Variants in RNF166 observed in about 807,000 individuals in gnomAD.
RNF166 encodes ring finger protein 166.
Under a neutral mutation model 29.4 loss-of-function variants are expected in RNF166, and 19 were observed. The ratio of observed to expected loss-of-function variants is 0.65; its 90% CI spans 0.45 to 0.95. The LOEUF (loss-of-function observed/expected upper bound fraction) is 0.95, where lower values mean the gene tolerates loss of function less well. Ranked by LOEUF, RNF166 falls within the 40% of genes least tolerant of loss-of-function variation. The pLI is 0.00. For missense variants in RNF166, 347 were observed against 322.1 expected (o/e 1.08, Z -0.59); for synonymous variants, 171 against 134.5 (o/e 1.27, Z -1.88).
intron 2 of RNF166, 54 bp from the exon 3 acceptor site, chr16:88,699,786 C>T (rs1033698294): frequency 1.5e-6 from 2 of 1,370,030 alleles, no homozygotes; most frequent in East Asian, 4.8e-5. Flanking sequence ...GAAGGGCCGT[C>T]CTGGGGAGGC....
Position 88,706,280 on chromosome 16 carries a change from G to A in RNF166, c.46C>T (p.Pro16Ser), listed in dbSNP as rs868206439. The A allele has an allele frequency of 7.0e-6, 9 of 1,293,946 alleles. No homozygotes were observed. The African/African-American group carries it at 1.3e-4, about 18-fold the overall frequency. 80.2% of individuals were successfully genotyped at this position (1,293,946 alleles called of 1,614,324 possible). Residue 16 changes from proline to serine, a missense_variant, in exon 1 of 6, where the codon CCG becomes TCG. Coordinates refer to ENST00000312838, the MANE Select transcript of RNF166 (RefSeq NM_178841.4). ...SLVASAQQRQ[P>S]PAGPAGGDSG... is the part of the protein sequence containing the mutation. ...TCGCCGCCCGCCGGCCCGGCCGGCG[G>A]CTGCCGCTGCTGAGCCGAGGCCACC... is the stretch of plus-strand genomic sequence containing the variant.
intron 1 of RNF166, among the ~76,000 whole-genome samples, chr16:88,702,018 C>T (rs972011200): frequency 4.6e-5 from 7 of 152,162 alleles, no homozygotes; most frequent in South Asian, 2.1e-4. Flanking sequence ...GGCGGAGGCT[C>T]GGGTCCTGGG....
At chr16:88,705,199 C>G (rs1482430206) in intron 1 of RNF166, among the ~76,000 whole-genome samples, 2 of 152,230 alleles carry the variant, frequency 1.3e-5, no homozygotes, top group Non-Finnish European at 2.9e-5. Context: ...GTGACCAGCA[C>G]ACATCCACCT....
intron 1 of RNF166, chr16:88,703,076 G>T: frequency 1.0e-6 from 1 of 985,578 alleles, no homozygotes; most frequent in Non-Finnish European, 1.2e-6. Context: ...GGAAGGCCTG[G>T]AAAACAGTGC....
intron 5 of RNF166, chr16:88,698,196 G>A: frequency 1.6e-6 from 1 of 612,338 alleles, no homozygotes; most frequent in Non-Finnish European, 2.9e-6. Flanking sequence ...TCTCTAGAAA[G>A]CTTCCAGAAG....
intron 1 of RNF166, 138 bp from the exon 2 acceptor site, chr16:88,701,556 G>A (rs1296198069): frequency 2.4e-6 from 2 of 823,970 alleles, no homozygotes; most frequent in Non-Finnish European, 3.7e-6. Flanking sequence ...GCCGTCTCTG[G>A]AGATGGTCAC....
rs1910807032 is a variant in RNF166, at chr16:88,706,354, C to T, written c.-29G>A. On this transcript the variant is annotated 5_prime_UTR_variant, in exon 1 of 6. Transcript: ENST00000312838. ...GGGGCCAGGCCCGCGCCGCCCGCCG[C>T]CCGCTGTCCTGGCCCGGGCCGGCCC... 1 of 1,215,050 alleles carries T rather than the reference C, an allele frequency of 8.2e-7. No homozygotes were observed. Among genetic ancestry groups the T allele is most frequent in the Admixed American group, 4.4e-5 (1 of 22,692 alleles). The allele number at this position is 1,215,050 out of a possible 1,614,324, so 75.3% of individuals were successfully genotyped here.
intron 1 of RNF166, chr16:88,702,686 T>A (rs1462964802): frequency 1.0e-5 from 10 of 984,970 alleles, no homozygotes; most frequent in African/African-American, 1.7e-5. Flanking sequence ...AAACTTCGTG[T>A]GAGAGAAAGC....
intron 2 of RNF166, 83 bp downstream of exon 2, chr16:88,701,179 G>C: frequency 6.5e-7 from 1 of 1,541,016 alleles, no homozygotes; most frequent in Non-Finnish European, 8.9e-7. Context: ...AGAGGGCCCC[G>C]GCCCCCACCC....
chr16:88,698,989 G>C lies in RNF166; in HGVS notation c.522C>G (p.Arg174=), dbSNP rs753732709. ...TGCTCACCACGCGGTTGGGGTCGCT[G>C]CGGTGGCTTTCCACACAGTGCTTCA... ...ELVKHCVESH[R]SDPNRVVCPI... is the part of the protein sequence containing the mutation. The change falls in exon 4 of 6, where the codon CGC becomes CGG. Residue 174 remains arginine (R), a synonymous_variant. Coordinates refer to ENST00000312838, the MANE Select transcript of RNF166 (RefSeq NM_178841.4). The C allele has an allele frequency of 2.5e-6, 4 of 1,601,400 alleles. No homozygotes were observed. The highest frequency in any genetic ancestry group is 3.4e-6 in the Non-Finnish European group (4 of 1,174,384).
intron 1 of RNF166, among the ~76,000 whole-genome samples, chr16:88,705,064 G>C (rs575251378): frequency 2.6e-5 from 4 of 152,342 alleles, no homozygotes; most frequent in Non-Finnish European, 5.9e-5. Context: ...AGCAGGGGCA[G>C]AGCCTGTAGC....
Position 88,701,391 on chromosome 16 carries a change from G to C in RNF166, c.183C>G (p.Cys61Trp). ...HTFCGECLQPCLQVPSPLCPL... is the reference protein window; with the variant it reads ...HTFCGECLQPWLQVPSPLCPL... The stretch of plus-strand genomic sequence containing the variant: ...GGCACAGCGGGGATGGCACCTGCAG[G>C]CAGGGCTGGAGACACTCCCCGCAGA... Residue 61 changes from cysteine (C) to tryptophan (W), a missense_variant, in exon 2 of 6, where the codon TGC (cysteine) becomes TGG (tryptophan). Coordinates refer to ENST00000312838, the MANE Select transcript of RNF166 (RefSeq NM_178841.4). 6.2e-7 allele frequency: 1 copy of C among 1,609,144 alleles called. No homozygotes were observed. Among genetic ancestry groups the C allele is most frequent in the Non-Finnish European group, 8.5e-7 (1 of 1,178,576 alleles).
At position 88,701,698 on chromosome 16, in the gene RNF166, G is replaced by C. The variant is rs1910252762; in HGVS notation, c.156-280C>G. On this transcript the variant is annotated intron_variant, in intron 1 of 5. Transcript: ENST00000312838. The stretch of plus-strand genomic sequence containing the variant: ...TCACTATGGCTGTCCCCGCGAGTGG[G>C]CCAGAGGAGCTCCCATAGGCAGGAG... 2.2e-5 allele frequency: 9 copies of C among 405,234 alleles called. No homozygotes were observed. The South Asian group carries it at 4.1e-4, about 18-fold the overall frequency. The allele number at this position is 405,234 out of a possible 1,614,324, so 25.1% of individuals were successfully genotyped here.
In RNF166 at chr16:88,698,498, C is replaced by G; in HGVS notation, c.648+4G>C. 6.4e-7 allele frequency: 1 copy of G among 1,562,310 alleles called. No homozygotes were observed. Among genetic ancestry groups the G allele is most frequent in the Non-Finnish European group, 8.7e-7 (1 of 1,152,864 alleles). Reference sequence around the variant, plus strand: ...GGGGAGGACGGTGCTGGCGGGATGCCTACCACAAAGGTGTCGTAGGAGAAC... The same window carrying G: ...GGGGAGGACGGTGCTGGCGGGATGCGTACCACAAAGGTGTCGTAGGAGAAC... On this transcript the variant is annotated splice_donor_region_variant and intron_variant, in intron 5 of 5. Coordinates refer to ENST00000312838, the MANE Select transcript of RNF166 (RefSeq NM_178841.4).
chr16:88,699,808 G>C (rs983159927), intron 2 of RNF166, 76 bp from the exon 3 acceptor site: 27 of 1,037,986 alleles, frequency 2.6e-5, no homozygotes, highest in Middle Eastern at 2.3e-4. Context: ...GAGACCTCAG[G>C]TGTCCAGGAC....
chr16:88,700,228 T>C (rs928519741), intron 2 of RNF166, among the ~76,000 whole-genome samples: 5 of 151,956 alleles, frequency 3.3e-5, no homozygotes, highest in African/African-American at 1.2e-4. Flanking sequence ...GGACTCAAGC[T>C]CGGCACCCAG....
At chr16:88,700,680 C>T (rs537707211) in intron 2 of RNF166, 3 of 987,674 alleles carry the variant, frequency 3.0e-6, no homozygotes, top group African/African-American at 3.5e-5. Context: ...GGCCTCTCCA[C>T]CCTGAAGCGG....
chr16:88,700,690 G>C, intron 2 of RNF166: 1 of 987,556 alleles, frequency 1.0e-6, no homozygotes, highest in South Asian at 4.6e-5. Context: ...CCCTGAAGCG[G>C]ATGTGCCAGG....
Position 88,696,986 on chromosome 16 carries a change from A to T in RNF166, c.*582T>A. ...AAAAATATAATTTTGTAAATGTTCC[A>T]TAAAAATACTATTATTCCTAGTCAA... On this transcript the variant is annotated 3_prime_UTR_variant, in exon 6 of 6. Transcript: ENST00000312838. 1 of 204,282 alleles carries T rather than the reference A, an allele frequency of 4.9e-6. No individual in the cohort carries two copies. The highest frequency in any genetic ancestry group is 5.6e-5 in the Admixed American group (1 of 17,932). The allele number at this position is 204,282 out of a possible 1,614,324, so 12.7% of individuals were successfully genotyped here. A position where few individuals can be genotyped will look rare whatever the true frequency, so the allele number is the denominator to read the frequency against.
Sources: gnomAD v4.1 joint callset for allele counts (sites outside exome capture counted in the v4.1 genomes callset) on GRCh38, gnomAD v4.1.1 for gene constraint, MANE v1.5 for transcripts, NCBI Gene and HGNC (gene_info 2026-07-23, HGNC 2026-07-21) for gene names.